KIF18A: variants seen among roughly 807,000 people sequenced by gnomAD.
KIF18A encodes the protein kinesin-like protein KIF18A.
Under a neutral mutation model 103.3 loss-of-function variants are expected in KIF18A, and 67 were observed. That is an observed-to-expected ratio of 0.65 (90% CI 0.53 to 0.79). The LOEUF (loss-of-function observed/expected upper bound fraction) is 0.79. Among genes scored for constraint, KIF18A ranks in the 30% least tolerant of loss-of-function variants. KIF18A has a pLI of 0.00. For missense variants in KIF18A, 1,032 were observed against 1,062.5 expected (o/e 0.97, Z 0.40); for synonymous variants, 367 against 355.5 (o/e 1.03, Z -0.36).
At chr11:28,081,977 TA>T (rs901240289) in intron 9 of KIF18A, among the ~76,000 whole-genome samples, 3 of 152,086 alleles carry the variant, frequency 2.0e-5, no homozygotes, top group African/African-American at 7.2e-5. Context: ...GTGAAGAAAC[TA>T]ACTGCAGATG....
intron 15 of KIF18A, among the ~76,000 whole-genome samples, chr11:28,026,850 TG>T (rs1235040673): frequency 6.6e-6 from 1 of 151,786 alleles, no homozygotes; most frequent in Non-Finnish European, 1.5e-5. Flanking sequence ...AACAGATGAT[TG>T]TGGTTAGCTA....
chr11:28,097,899 G>C lies in KIF18A; in HGVS notation c.49C>G (p.Arg17Gly). 1 of 1,604,826 alleles carries C rather than the reference G, an allele frequency of 6.2e-7. No individual in the cohort carries two copies. ...TCTTTAGTGTTTTCCGGACGTACAC[G>C]AACTACTACTTTCATATGGTGGCAC... ...DLCHHMKVVV[R>G]VRPENTKEKA... is the part of the protein sequence containing the mutation. Residue 17 changes from arginine to glycine, a missense_variant, in exon 2 of 17, where the codon CGT (arginine) becomes GGT (glycine). Coordinates refer to ENST00000263181, the MANE Select transcript of KIF18A (RefSeq NM_031217.4).
At chr11:28,095,201 T>C (rs1412193726) in intron 2 of KIF18A, among the ~76,000 whole-genome samples, 1 of 152,240 alleles carries the variant, frequency 6.6e-6, no homozygotes, top group African/African-American at 2.4e-5. Flanking sequence ...CTTTGGAATA[T>C]TATAAAGCAC....
intron 7 of KIF18A, among the ~76,000 whole-genome samples, chr11:28,083,597 T>C (rs1851192247): frequency 6.6e-6 from 1 of 152,064 alleles, no homozygotes; most frequent in South Asian, 2.1e-4. Context: ...TATTTTAACA[T>C]TTTTATCATA....
intron 13 of KIF18A, among the ~76,000 whole-genome samples, chr11:28,049,655 G>T (rs977947494): frequency 1.3e-5 from 2 of 151,940 alleles, no homozygotes; most frequent in Non-Finnish European, 2.9e-5. Flanking sequence ...TAATATGTAC[G>T]TGAGGAGAAA....
chr11:28,087,658 G>A (rs1851246008), intron 6 of KIF18A, among the ~76,000 whole-genome samples: 2 of 152,186 alleles, frequency 1.3e-5, no homozygotes, highest in South Asian at 2.1e-4. Context: ...TTGAGGAATC[G>A]CCACACTGTC....
At chr11:28,062,297 G>A in intron 12 of KIF18A, 98 bp downstream of exon 12, 1 of 1,078,060 alleles carries the variant, frequency 9.3e-7, no homozygotes, top group Non-Finnish European at 1.3e-6. Context: ...AATGTATCCT[G>A]TAACACATAA....
intron 9 of KIF18A, among the ~76,000 whole-genome samples, chr11:28,080,316 C>T (rs1851148444): frequency 6.7e-6 from 1 of 149,902 alleles, no homozygotes; most frequent in Admixed American, 6.7e-5. Flanking sequence ...TATATACAGG[C>T]ATACCTTGTT....
At chr11:28,058,274 A>C (rs532301693) in intron 13 of KIF18A, among the ~76,000 whole-genome samples, 2 of 152,044 alleles carry the variant, frequency 1.3e-5, no homozygotes, top group African/African-American at 4.8e-5. Context: ...TTATCATAAA[A>C]TATGATATGA....
intron 11 of KIF18A, among the ~76,000 whole-genome samples, chr11:28,063,185 T>C (rs1399518127): frequency 6.6e-6 from 1 of 152,056 alleles, no homozygotes; most frequent in Admixed American, 6.6e-5. Context: ...TTATAAGGCC[T>C]TGAAACAAAT....
At chr11:28,102,563 C>T (rs2133570056) in intron 1 of KIF18A, among the ~76,000 whole-genome samples, 1 of 152,264 alleles carries the variant, frequency 6.6e-6, no homozygotes, top group Non-Finnish European at 1.5e-5. Flanking sequence ...CAGAATAAAT[C>T]TCTTCAAATA....
chr11:28,044,032 A>G (rs2133504830), intron 13 of KIF18A, among the ~76,000 whole-genome samples: 1 of 152,090 alleles, frequency 6.6e-6, no homozygotes, highest in South Asian at 2.1e-4. Context: ...CTGAAAGCAC[A>G]GGGTGGAGTT....
intron 16 of KIF18A, 149 bp downstream of exon 16, chr11:28,023,592 T>C (rs567761460): frequency 4.3e-6 from 2 of 460,358 alleles, no homozygotes; most frequent in Non-Finnish European, 7.8e-6. Context: ...TCCTTATCTA[T>C]AATATGTGGA....
rs1850500417 is a variant in KIF18A, at chr11:28,036,899, T to C, written c.1949-235A>G. ...CAAAAGAATATATTGCTAATATCAA[T>C]ATTAATTTATAGGTATAGCTTTCTT... is the stretch of plus-strand genomic sequence containing the variant. On this transcript the variant is annotated intron_variant, in intron 13 of 16. Transcript: ENST00000263181. 2.6e-5 allele frequency among the ~76,000 whole-genome samples: 4 copies of C among 151,644 alleles called. No homozygotes were observed. The South Asian group carries it at 8.3e-4, about 31-fold the overall frequency.
chr11:28,078,221 G>T (rs552673031), intron 9 of KIF18A, among the ~76,000 whole-genome samples: 90 of 152,108 alleles, frequency 5.9e-4, no homozygotes, highest in African/African-American at 2.0e-3. Flanking sequence ...ACTCTATTGG[G>T]AATGAATATA....
intron 11 of KIF18A, among the ~76,000 whole-genome samples, chr11:28,068,477 T>C (rs1353000847): frequency 1.4e-5 from 2 of 143,478 alleles, no homozygotes; most frequent in Non-Finnish European, 3.0e-5. Context: ...AGAGTAATTA[T>C]GCAAAAAAAA....
chr11:28,030,949 C>T lies in KIF18A; in HGVS notation c.2504+4438G>A, dbSNP rs1225294053. On this transcript the variant is annotated intron_variant, in intron 15 of 16. Coordinates refer to ENST00000263181, the MANE Select transcript of KIF18A (RefSeq NM_031217.4). ...TGAAAAAATGCTCATGATCACTGGC[C>T]ATCAGAGAAATGCAAATCAAAACCA... 2.6e-5 allele frequency among the ~76,000 whole-genome samples: 4 copies of T among 151,460 alleles called. 1 individual carries two copies. Among genetic ancestry groups the T allele is most frequent in the African/African-American group, 9.7e-5 (4 of 41,186 alleles).
intron 9 of KIF18A, among the ~76,000 whole-genome samples, chr11:28,078,530 C>G (rs1018070674): frequency 2.0e-5 from 3 of 151,958 alleles, no homozygotes; most frequent in African/African-American, 7.2e-5. Context: ...CTAGAGAGCT[C>G]CTTAACAACA....
intron 9 of KIF18A, 109 bp from the exon 10 acceptor site, chr11:28,077,278 T>C: frequency 3.0e-6 from 2 of 670,540 alleles, no homozygotes; most frequent in South Asian, 2.4e-5. Flanking sequence ...TTCACAGAAC[T>C]ACACTCAATG....
Sources: allele counts gnomAD v4.1 joint callset (sites outside exome capture counted in the v4.1 genomes callset), GRCh38; gene constraint gnomAD v4.1.1; transcripts MANE v1.5; gene names NCBI Gene and HGNC (gene_info 2026-07-23, HGNC 2026-07-21).